Variants in SORBS2 observed in about 807,000 individuals in gnomAD.
The protein encoded by SORBS2 is sorbin and SH3 domain containing 2, also known as sorbin and SH3 domain-containing protein 2.
A neutral mutation model predicts 97.7 loss-of-function variants in SORBS2; 46 were observed. That is an observed-to-expected ratio of 0.47 (90% confidence interval 0.37 to 0.60). The LOEUF (loss-of-function observed/expected upper bound fraction) is 0.60. Among genes scored for constraint, SORBS2 ranks in the 20% least tolerant of loss-of-function variants. The pLI is 0.00. For missense variants in SORBS2, 1,316 were observed against 1,282.3 expected, an observed-to-expected ratio of 1.03 and a Z score of -0.40; for synonymous variants, 476 against 473.4, an observed-to-expected ratio of 1.01 and a Z score of -0.07.
chr4:185,713,250 G>A (rs1364853103), intron 2 of SORBS2, among the ~76,000 whole-genome samples: 1 of 152,158 alleles, frequency 6.6e-6, no homozygotes, highest in African/African-American at 2.4e-5. Context: ...TCTCCCTGGA[G>A]CCCCAGGTCT....
chr4:185,905,305 T>C (rs1014817546), intron 1 of SORBS2, among the ~76,000 whole-genome samples: 1 of 152,160 alleles, frequency 6.6e-6, no homozygotes. Context: ...TACATGTAAA[T>C]GTACAGATTT....
At chr4:185,787,876 A>C (rs938496170) in intron 1 of SORBS2, among the ~76,000 whole-genome samples, 1 of 152,276 alleles carries the variant, frequency 6.6e-6, no homozygotes, top group Non-Finnish European at 1.5e-5. Flanking sequence ...GCTGGAAAGC[A>C]CATTACGAAA....
chr4:185,742,972 G>T (rs1193404820), intron 2 of SORBS2, among the ~76,000 whole-genome samples: 1 of 152,068 alleles, frequency 6.6e-6, no homozygotes, highest in Non-Finnish European at 1.5e-5. Flanking sequence ...AGAGCCCCGC[G>T]GGCACAGCGA....
At chr4:185,766,704 T>C (rs148247397) in intron 2 of SORBS2, among the ~76,000 whole-genome samples, 2 of 152,328 alleles carry the variant, frequency 1.3e-5, no homozygotes, top group Admixed American at 6.5e-5. Context: ...ATCGAATTTT[T>C]TAGGTTTGCA....
At chr4:185,753,975 T>G (rs2098816124) in intron 2 of SORBS2, among the ~76,000 whole-genome samples, 1 of 152,188 alleles carries the variant, frequency 6.6e-6, no homozygotes, top group South Asian at 2.1e-4. Flanking sequence ...TATAAATCAT[T>G]TTATCATAAA....
intron 2 of SORBS2, among the ~76,000 whole-genome samples, chr4:185,742,182 T>C (rs7667992): frequency 1.3e-5 from 2 of 152,000 alleles, no homozygotes; most frequent in Non-Finnish European, 2.9e-5. Flanking sequence ...AAACAACCCT[T>C]GAGAATCTTA....
intron 1 of SORBS2, among the ~76,000 whole-genome samples, chr4:185,921,731 C>T (rs535795483): frequency 2.0e-5 from 3 of 152,228 alleles, no homozygotes; most frequent in Admixed American, 6.5e-5. Context: ...CCGACCACAA[C>T]GCTGGTTTGC....
In SORBS2 at chr4:185,797,999, T is replaced by C. The variant is rs374958785; in HGVS notation, c.-337-22633A>G. On this transcript the variant is annotated intron_variant, in intron 1 of 20. Coordinates refer to the SORBS2 transcript ENST00000284776. ...ATGCTGCGGGATTATCAGTTTCCCC[T>C]CCCTCATCCCAAAGACTGAACAGTC... 5.3e-5 allele frequency among the ~76,000 whole-genome samples: 8 copies of C among 152,260 alleles called. No homozygotes were observed. The East Asian group carries it at 1.4e-3, about 26-fold the overall frequency.
intron 2 of SORBS2, 66 bp from the exon 4 acceptor site, chr4:185,690,677 C>T (rs903327469): frequency 2.1e-5 from 14 of 653,980 alleles, no homozygotes; most frequent in Non-Finnish European, 3.1e-5. Flanking sequence ...GAAAGTGTGT[C>T]GCATTTTTGT....
chr4:185,721,819 T>C (rs554865711), intron 2 of SORBS2, among the ~76,000 whole-genome samples: 50 of 152,348 alleles, frequency 3.3e-4, no homozygotes, highest in African/African-American at 1.2e-3. Context: ...AGCTGAGGTC[T>C]TCCTCTTAGG....
intron 1 of SORBS2, among the ~76,000 whole-genome samples, chr4:185,788,961 C>A (rs2099068492): frequency 6.6e-6 from 1 of 152,192 alleles, no homozygotes; most frequent in African/African-American, 2.4e-5. Context: ...TTTCGGTAAC[C>A]ACAAGGGTGC....
At chr4:185,711,003 TCC>T (rs1199214418) in intron 2 of SORBS2, among the ~76,000 whole-genome samples, 19 of 152,136 alleles carry the variant, frequency 1.2e-4, no homozygotes, top group Admixed American at 1.2e-3. Flanking sequence ...AGGGTCTCTC[TCC>T]ATTGCCCAGG....
intron 12 of SORBS2, among the ~76,000 whole-genome samples, chr4:185,610,001 TA>T (rs1470769760): frequency 2.0e-5 from 3 of 152,154 alleles, no homozygotes; most frequent in Non-Finnish European, 4.4e-5. Context: ...CAGTGAGCAA[TA>T]AAAAACTGGT....
chr4:185,787,505 A>C (rs1242245715), intron 1 of SORBS2, among the ~76,000 whole-genome samples: 1 of 152,192 alleles, frequency 6.6e-6, no homozygotes, highest in Non-Finnish European at 1.5e-5. Context: ...AAATGGGGCT[A>C]TTTCTATATA....
intron 9 of SORBS2, among the ~76,000 whole-genome samples, chr4:185,618,040 C>T (rs190235446): frequency 1.3e-5 from 2 of 152,270 alleles, no homozygotes; most frequent in Non-Finnish European, 2.9e-5. Flanking sequence ...AGTGGCGCAA[C>T]CTCAGCTTAT....
intron 1 of SORBS2, among the ~76,000 whole-genome samples, chr4:185,940,238 C>G (rs2099271211): frequency 6.6e-6 from 1 of 152,196 alleles, no homozygotes; most frequent in African/African-American, 2.4e-5. Flanking sequence ...CAGGACCAAT[C>G]TTTCACTTGA....
intron 1 of SORBS2, among the ~76,000 whole-genome samples, chr4:185,875,496 A>G (rs1394488016): frequency 1.3e-5 from 2 of 152,256 alleles, no homozygotes; most frequent in African/African-American, 4.8e-5. Context: ...GTGAGTCTGC[A>G]TAGGAAGTAT....
chr4:185,666,397 G>A (rs778010652), intron 4 of SORBS2, among the ~76,000 whole-genome samples: 1 of 152,154 alleles, frequency 6.6e-6, no homozygotes, highest in Non-Finnish European at 1.5e-5. Flanking sequence ...GAATCCAGTC[G>A]GTGTGTTTTG....
rs1024459519 is a variant in SORBS2 at position 185,587,701 on chromosome 4, G to T, written c.2954-13C>A. On this transcript the variant is annotated splice_polypyrimidine_tract_variant and intron_variant, in intron 14 of 14. Coordinates refer to ENST00000418609, the Ensembl canonical transcript of SORBS2. ...CTTCTTGAGGTCCCTGAAAATAGAA[G>T]CGAGTCATGAAAGGGGGGTGACAAC... The T allele has an allele frequency of 6.2e-7, 1 of 1,608,178 alleles. No individual in the cohort carries two copies. Among genetic ancestry groups the T allele is most frequent in the Non-Finnish European group, 8.5e-7 (1 of 1,175,344 alleles).
Sources: gnomAD v4.1 joint callset for allele counts (sites outside exome capture counted in the v4.1 genomes callset) on GRCh38, gnomAD v4.1.1 for gene constraint, MANE v1.5 for transcripts, NCBI Gene and HGNC (gene_info 2026-07-23, HGNC 2026-07-21) for gene names.